Variants in RBPJ observed in about 807,000 individuals in gnomAD.
RBPJ encodes the protein recombining binding protein suppressor of hairless.
RBPJ carries 9 observed loss-of-function variants against 67.8 expected under a neutral mutation model. The ratio of observed to expected loss-of-function variants is 0.13; its 90% CI spans 0.08 to 0.23. The LOEUF (loss-of-function observed/expected upper bound fraction) is 0.23, where lower values mean the gene tolerates loss of function less well. RBPJ is among the 10% of genes least tolerant of loss of function. RBPJ has a pLI of 1.00. For synonymous variants in RBPJ, 198 were observed against 203.3 expected (o/e 0.97, Z 0.22); for missense variants, 305 against 595.6 (o/e 0.51, Z 5.08).
downstream of RBPJ, chr4:26,434,942 C>G (rs1736538901): frequency 2.0e-5 from 3 of 152,190 alleles, no homozygotes. Flanking sequence ...TCGAATGTGC[C>G]TGATGCATGT....
At chr4:26,175,407 G>A (rs887870678) in intron 1 of RBPJ, among the ~76,000 whole-genome samples, 2 of 152,166 alleles carry the variant, frequency 1.3e-5, no homozygotes, top group Non-Finnish European at 1.5e-5. Flanking sequence ...GGGGGAGGCA[G>A]CAGGGAGAAG....
chr4:26,408,638 T>A (rs1733717889), intron 3 of RBPJ, among the ~76,000 whole-genome samples: 1 of 152,228 alleles, frequency 6.6e-6, no homozygotes, highest in Non-Finnish European at 1.5e-5. Flanking sequence ...TTTATAAATA[T>A]TTTAAAGTTG....
intron 1 of RBPJ, among the ~76,000 whole-genome samples, chr4:26,216,041 G>A (rs947980786): frequency 1.3e-5 from 2 of 152,108 alleles, no homozygotes; most frequent in African/African-American, 4.8e-5. Flanking sequence ...AGACCCCGGG[G>A]GAAATTCAGT....
the RBPJ span, among the ~76,000 whole-genome samples, chr4:26,126,445 C>G: frequency 6.6e-6 from 1 of 152,204 alleles, no homozygotes; most frequent in Non-Finnish European, 1.5e-5. Context: ...TCTCTCTTTC[C>G]CTTTTCCATT....
At chr4:26,419,239 A>G (rs552499751) in intron 4 of RBPJ, among the ~76,000 whole-genome samples, 41 of 152,150 alleles carry the variant, frequency 2.7e-4, no homozygotes, top group Non-Finnish European at 4.1e-4. Flanking sequence ...TTGGCCTCCC[A>G]AAGTGCTGAG....
intron 1 of RBPJ, among the ~76,000 whole-genome samples, chr4:26,349,870 T>C (rs556580114): frequency 2.4e-4 from 36 of 152,356 alleles, no homozygotes; most frequent in African/African-American, 8.7e-4. Context: ...TAATGTAAGA[T>C]GGAATGAATG....
At chr4:26,407,110 A>T (rs1445154934) in intron 3 of RBPJ, among the ~76,000 whole-genome samples, 1 of 152,232 alleles carries the variant, frequency 6.6e-6, no homozygotes, top group Non-Finnish European at 1.5e-5. Context: ...TCCCCGAAAT[A>T]CTTATGTGAT....
intron 1 of RBPJ, among the ~76,000 whole-genome samples, chr4:26,193,627 A>G (rs1266697430): frequency 2.6e-5 from 4 of 152,136 alleles, no homozygotes; most frequent in African/African-American, 9.7e-5. Flanking sequence ...TCATGGAACT[A>G]TTACCCTTGC....
At chr4:26,407,879 CTTTCTTTTTTTTTTTTTTT>C (rs1164178022) in intron 3 of RBPJ, among the ~76,000 whole-genome samples, 1 of 78,832 alleles carries the variant, frequency 1.3e-5, no homozygotes, top group Non-Finnish European at 2.5e-5. Flanking sequence ...GTAAAGCTTT[CTTTCTTTTTTTTTTTTTTT>C]TTTTTTTTTT....
At chr4:26,120,862 C>T in the RBPJ span, among the ~76,000 whole-genome samples, 1 of 148,374 alleles carries the variant, frequency 6.7e-6, no homozygotes. Flanking sequence ...TCCTGAGATG[C>T]CCCAGCTATT....
Position 26,424,839 on chromosome 4 carries a change from T to C in RBPJ, c.747+96T>C. ...ATTCAAATGGAAAAACACACCTCAG[T>C]TTTATGCTTTTTAATTTTAAAAGGT... On this transcript the variant is annotated intron_variant, in intron 7 of 10. Coordinates refer to ENST00000355476, the MANE Select transcript of RBPJ (RefSeq NM_015874.6). This position sits in a 1 kb window ranked among gnomAD's most constrained non-coding sequence, Gnocchi z 5.3. 6 of 687,430 alleles carry C rather than the reference T, an allele frequency of 8.7e-6. No individual in the cohort carries two copies. Among genetic ancestry groups the C allele is most frequent in the Non-Finnish European group, 1.3e-5 (5 of 396,532 alleles). 42.6% of individuals were successfully genotyped at this position (687,430 alleles called of 1,614,324 possible).
upstream of RBPJ, among the ~76,000 whole-genome samples, chr4:26,318,168 C>T (rs772345092): frequency 2.0e-5 from 3 of 151,790 alleles, no homozygotes; most frequent in Non-Finnish European, 4.4e-5. Context: ...ACCTTGAAAA[C>T]AACTTAAAAA....
intron 1 of RBPJ, among the ~76,000 whole-genome samples, chr4:26,169,076 A>G (rs1716443838): frequency 6.6e-6 from 1 of 152,164 alleles, no homozygotes; most frequent in African/African-American, 2.4e-5. Context: ...CAACTCCTCA[A>G]AGTCATTCTC....
At chr4:26,116,680 C>A in the RBPJ span, among the ~76,000 whole-genome samples, 4 of 152,228 alleles carry the variant, frequency 2.6e-5, no homozygotes, top group African/African-American at 9.6e-5. Flanking sequence ...TCTGATCAAC[C>A]CACACAAGGT....
intron 1 of RBPJ, among the ~76,000 whole-genome samples, chr4:26,298,993 C>T (rs1721979825): frequency 6.6e-6 from 1 of 152,166 alleles, no homozygotes; most frequent in Non-Finnish European, 1.5e-5. Context: ...AAGCTGAATT[C>T]GTACCTCCGA....
intron 1 of RBPJ, among the ~76,000 whole-genome samples, chr4:26,258,120 G>A (rs979565592): frequency 7.2e-5 from 11 of 152,230 alleles, no homozygotes; most frequent in African/African-American, 2.4e-4. Flanking sequence ...TGGTCTCAGT[G>A]GCTGCACAGC....
intron 1 of RBPJ, among the ~76,000 whole-genome samples, chr4:26,376,097 A>G (rs1226002493): frequency 6.6e-6 from 1 of 152,216 alleles, no homozygotes; most frequent in Non-Finnish European, 1.5e-5. Context: ...AGGACAAACT[A>G]AATATATTTT....
At chr4:26,116,580 A>G in the RBPJ span, among the ~76,000 whole-genome samples, 2 of 152,236 alleles carry the variant, frequency 1.3e-5, no homozygotes. Flanking sequence ...GGGACATGCC[A>G]TGTTTTTCCT....
chr4:26,143,653 G>A, the RBPJ span, among the ~76,000 whole-genome samples: 3 of 152,358 alleles, frequency 2.0e-5, no homozygotes, highest in Non-Finnish European at 2.9e-5. Flanking sequence ...AAGGCTGGAC[G>A]TGGTGGCTTA....
Sources: gnomAD v4.1 joint callset for allele counts (sites outside exome capture counted in the v4.1 genomes callset) on GRCh38, gnomAD v4.1.1 for gene constraint, Gnocchi (gnomAD v3.1) non-coding constraint, MANE v1.5 for transcripts, NCBI Gene and HGNC (gene_info 2026-07-23, HGNC 2026-07-21) for gene names.